Variants in C14orf39 observed in about 807,000 individuals in gnomAD.
C14orf39 encodes the protein protein SIX6OS1.
Under a neutral mutation model 85.6 loss-of-function variants are expected in C14orf39, and 66 were observed. That is an observed-to-expected ratio of 0.77 (90% CI 0.63 to 0.95). C14orf39 has a LOEUF of 0.95. C14orf39 is among the 40% of genes least tolerant of loss of function. The probability of loss-of-function intolerance (pLI) is 0.00; values close to 1 mark genes in which losing one functional copy is unlikely to be tolerated. For synonymous variants in C14orf39, 242 were observed against 214.0 expected (o/e 1.13, Z -1.14); for missense variants, 735 against 663.9 (o/e 1.11, Z -1.18).
chr14:60,492,284 C>T (rs931482697), intron 2 of C14orf39, among the ~76,000 whole-genome samples: 1 of 152,104 alleles, frequency 6.6e-6, no homozygotes, highest in African/African-American at 2.4e-5. Context: ...CTTGTTAAAC[C>T]ATTAGAGCAT....
At chr14:60,454,446 C>T (rs999889292) in intron 16 of C14orf39, among the ~76,000 whole-genome samples, 1 of 151,918 alleles carries the variant, frequency 6.6e-6, no homozygotes, top group Non-Finnish European at 1.5e-5. Context: ...TGGTACACAC[C>T]TAAGTAGTCT....
chr14:60,488,250 T>G (rs1313458450), upstream of C14orf39, among the ~76,000 whole-genome samples: 1 of 152,192 alleles, frequency 6.6e-6, no homozygotes, highest in African/African-American at 2.4e-5. Flanking sequence ...TATTTGCATT[T>G]AAATTCACAT....
chr14:60,512,032 CATATGTATGTACCTATACAAACAT>C (rs1435539492), intron 1 of C14orf39: 4 of 4,188 alleles, frequency 9.6e-4, no homozygotes, highest in Non-Finnish European at 5.0e-3. Flanking sequence ...CCTATACAAA[CATATGTATGTACCTATACAAACAT>C]ATGTATGTAT....
chr14:60,444,847 C>A (rs929774952), intron 16 of C14orf39, among the ~76,000 whole-genome samples: 2 of 152,172 alleles, frequency 1.3e-5, no homozygotes, highest in African/African-American at 4.8e-5. Flanking sequence ...CCCACAATCC[C>A]ATCAGACTAA....
chr14:60,492,343 T>A (rs934529649), intron 2 of C14orf39, among the ~76,000 whole-genome samples: 2 of 152,150 alleles, frequency 1.3e-5, no homozygotes, highest in African/African-American at 4.8e-5. Context: ...GTGAATTTTT[T>A]AAAAAGAAAT....
chr14:60,510,330 A>G (rs1013605806), intron 1 of C14orf39, among the ~76,000 whole-genome samples: 1 of 152,360 alleles, frequency 6.6e-6, no homozygotes, highest in East Asian at 1.9e-4. Context: ...GGCTCCTACT[A>G]TTAATCGAAG....
intron 1 of C14orf39, chr14:60,510,030 C>T: frequency 7.0e-7 from 1 of 1,434,612 alleles, no homozygotes; most frequent in South Asian, 1.2e-5. Flanking sequence ...GTGGAGGCAC[C>T]TCTGGCGCCC....
intron 4 of C14orf39, 88 bp downstream of exon 4, chr14:60,483,603 T>C (rs1432401144): frequency 1.8e-5 from 21 of 1,150,212 alleles, no homozygotes; most frequent in Admixed American, 2.6e-5. Context: ...TAATACAGAA[T>C]ACTACTTTGA....
At chr14:60,502,333 C>A (rs2140182540) in intron 1 of C14orf39, among the ~76,000 whole-genome samples, 1 of 151,912 alleles carries the variant, frequency 6.6e-6, no homozygotes, top group South Asian at 2.1e-4. Context: ...TGAATTATTA[C>A]AACACAGAGA....
At chr14:60,459,376 A>G (rs1208810648) in intron 13 of C14orf39, among the ~76,000 whole-genome samples, 1 of 151,548 alleles carries the variant, frequency 6.6e-6, no homozygotes, top group African/African-American at 2.4e-5. Flanking sequence ...ATGTACTTCT[A>G]TTTCTCTAGG....
chr14:60,474,779 G>A (rs1195420624), intron 5 of C14orf39, among the ~76,000 whole-genome samples: 2 of 151,976 alleles, frequency 1.3e-5, no homozygotes, highest in Non-Finnish European at 2.9e-5. Flanking sequence ...TAAGCTTTTT[G>A]ATGTGCTGCT....
At chr14:60,507,447 C>A (rs1893219602) in intron 1 of C14orf39, among the ~76,000 whole-genome samples, 1 of 152,166 alleles carries the variant, frequency 6.6e-6, no homozygotes, top group South Asian at 2.1e-4. Flanking sequence ...TTATCTTCAT[C>A]GCCCTCTTTA....
intron 15 of C14orf39, among the ~76,000 whole-genome samples, chr14:60,456,146 C>G (rs1001289561): frequency 6.6e-6 from 1 of 151,906 alleles, no homozygotes; most frequent in Non-Finnish European, 1.5e-5. Context: ...GCAGTGAATT[C>G]TGCTTGACAT....
intron 16 of C14orf39, among the ~76,000 whole-genome samples, chr14:60,450,414 G>A (rs1342455903): frequency 2.6e-5 from 4 of 152,192 alleles, no homozygotes; most frequent in Non-Finnish European, 5.9e-5. Context: ...GGGGGCCACA[G>A]GGAGAGGCTC....
intron 1 of C14orf39, among the ~76,000 whole-genome samples, chr14:60,513,038 G>A (rs1330672481): frequency 6.6e-6 from 1 of 152,220 alleles, no homozygotes; most frequent in Non-Finnish European, 1.5e-5. Context: ...CAAACGGCAA[G>A]ATAGACAATG....
At chr14:60,514,746 A>G (rs1419015800) in intron 1 of C14orf39, among the ~76,000 whole-genome samples, 1 of 152,252 alleles carries the variant, frequency 6.6e-6, no homozygotes, top group African/African-American at 2.4e-5. Flanking sequence ...ACAAAAAGGA[A>G]AAAAATATTG....
chr14:60,464,306 T>C (rs977873034), intron 11 of C14orf39, among the ~76,000 whole-genome samples: 3 of 152,174 alleles, frequency 2.0e-5, no homozygotes, highest in African/African-American at 7.2e-5. Context: ...TGAATCTGAA[T>C]GACCTACTTT....
At chr14:60,470,326 T>C (rs1226773425) in intron 7 of C14orf39, among the ~76,000 whole-genome samples, 2 of 151,850 alleles carry the variant, frequency 1.3e-5, no homozygotes, top group Admixed American at 1.3e-4. Context: ...AATGATAGAA[T>C]AGTGACAGTT....
intron 11 of C14orf39, among the ~76,000 whole-genome samples, chr14:60,461,910 T>C (rs1309749047): frequency 6.6e-6 from 1 of 152,132 alleles, no homozygotes; most frequent in Admixed American, 6.6e-5. Context: ...CAACTAAATG[T>C]TACCATTTTC....
Sources: allele counts gnomAD v4.1 joint callset (sites outside exome capture counted in the v4.1 genomes callset), GRCh38; gene constraint gnomAD v4.1.1; transcripts MANE v1.5; gene names NCBI Gene and HGNC (gene_info 2026-07-23, HGNC 2026-07-21).